Variants in TRIQK observed in about 807,000 individuals in gnomAD.
TRIQK encodes the protein triple QxxK/R motif containing.
Under a neutral mutation model 10.8 loss-of-function variants are expected in TRIQK, and 10 were observed. The ratio of observed to expected loss-of-function variants is 0.92; its 90% CI spans 0.57 to 1.57. The LOEUF is 1.57. TRIQK is among the 40% of genes most tolerant of loss of function. TRIQK has a pLI of 0.00. For synonymous variants in TRIQK, 33 were observed against 33.7 expected, an observed-to-expected ratio of 0.98 and a Z score of 0.07; for missense variants, 107 against 97.7, an observed-to-expected ratio of 1.09 and a Z score of -0.40.
chr8:92,913,227 G>A (rs1809659276), intron 3 of TRIQK, among the ~76,000 whole-genome samples: 2 of 152,020 alleles, frequency 1.3e-5, no homozygotes, highest in Non-Finnish European at 2.9e-5. Flanking sequence ...CTCAACAAAT[G>A]CAGAAGAAGC....
intron 2 of TRIQK, among the ~76,000 whole-genome samples, chr8:92,948,805 T>C (rs1451235458): frequency 6.6e-6 from 1 of 152,264 alleles, no homozygotes; most frequent in Non-Finnish European, 1.5e-5. Flanking sequence ...GTAAACTTAA[T>C]TGAAAATGCT....
chr8:92,968,079 C>G (rs774268213), upstream of TRIQK, among the ~76,000 whole-genome samples: 8 of 151,924 alleles, frequency 5.3e-5, no homozygotes, highest in Non-Finnish European at 1.0e-4. Context: ...ATGTTATATG[C>G]TTATTTCTTT....
Position 92,886,368 on chromosome 8 carries a change from T to C in TRIQK, c.*254A>G. On this transcript the variant is annotated 3_prime_UTR_variant, in exon 5 of 5. Coordinates refer to ENST00000521988, the MANE Select transcript of TRIQK (RefSeq NM_001171797.2). ...AATTTAGGATCTGGTTCCCATTTCA[T>C]CTAAATGTACCATGTATAGGGTGGC... The C allele has an allele frequency of 4.3e-6, 1 of 231,266 alleles. No individual in the cohort carries two copies. The highest frequency in any genetic ancestry group is 8.3e-6 in the Non-Finnish European group (1 of 119,830). 14.3% of individuals were successfully genotyped at this position (231,266 alleles called of 1,614,324 possible). A position where few individuals can be genotyped will look rare whatever the true frequency, so the allele number is the denominator to read the frequency against.
intron 1 of TRIQK, among the ~76,000 whole-genome samples, chr8:92,995,122 A>G (rs1392159289): frequency 1.3e-5 from 2 of 152,012 alleles, no homozygotes; most frequent in Non-Finnish European, 2.9e-5. Flanking sequence ...TAGATCACCT[A>G]TATTTTCTAG....
At chr8:92,980,394 C>T (rs926278506) in intron 1 of TRIQK, among the ~76,000 whole-genome samples, 5 of 151,740 alleles carry the variant, frequency 3.3e-5, no homozygotes, top group African/African-American at 9.7e-5. Flanking sequence ...TCTGCACTCA[C>T]GCGCGTGTGT....
chr8:92,921,094 A>G (rs1424438437), intron 2 of TRIQK, among the ~76,000 whole-genome samples: 2 of 151,652 alleles, frequency 1.3e-5, no homozygotes, highest in African/African-American at 4.8e-5. Flanking sequence ...CCCTTTATAA[A>G]TGGGAATGAT....
At chr8:92,948,230 G>A (rs541622883) in intron 2 of TRIQK, among the ~76,000 whole-genome samples, 40 of 152,168 alleles carry the variant, frequency 2.6e-4, no homozygotes, top group African/African-American at 9.6e-4. Context: ...TTTAGCTATG[G>A]ACCACCTAGG....
At chr8:93,015,347 T>C (rs1466664700) in intron 1 of TRIQK, among the ~76,000 whole-genome samples, 1 of 151,988 alleles carries the variant, frequency 6.6e-6, no homozygotes, top group African/African-American at 2.4e-5. Context: ...TTAGTGGTGG[T>C]TATTCTGCAA....
chr8:93,011,886 C>A (rs896347483), intron 1 of TRIQK, among the ~76,000 whole-genome samples: 2 of 152,102 alleles, frequency 1.3e-5, no homozygotes, highest in Admixed American at 1.3e-4. Flanking sequence ...AAATCTAAAG[C>A]CCATTCTCTT....
chr8:92,992,308 G>C (rs1320400814), intron 1 of TRIQK, among the ~76,000 whole-genome samples: 1 of 152,196 alleles, frequency 6.6e-6, no homozygotes, highest in Non-Finnish European at 1.5e-5. Context: ...TCCTGAGGGA[G>C]AGGTAGAAGC....
intron 1 of TRIQK, among the ~76,000 whole-genome samples, chr8:93,014,358 A>G (rs1398335537): frequency 6.6e-6 from 1 of 152,098 alleles, no homozygotes; most frequent in East Asian, 1.9e-4. Flanking sequence ...CTAACTCTGA[A>G]TATGATTTTA....
At chr8:92,992,329 G>A (rs1813104141) in intron 1 of TRIQK, among the ~76,000 whole-genome samples, 1 of 152,166 alleles carries the variant, frequency 6.6e-6, no homozygotes, top group African/African-American at 2.4e-5. Context: ...AAAACCCTCT[G>A]CCTCTGAGGA....
At chr8:93,005,115 C>T (rs1813254858) in intron 1 of TRIQK, among the ~76,000 whole-genome samples, 1 of 152,108 alleles carries the variant, frequency 6.6e-6, no homozygotes, top group African/African-American at 2.4e-5. Flanking sequence ...TTTCACACTG[C>T]TATAAAGAAC....
intron 4 of TRIQK, among the ~76,000 whole-genome samples, chr8:92,888,999 T>C (rs1189412231): frequency 6.6e-6 from 1 of 151,672 alleles, no homozygotes; most frequent in Non-Finnish European, 1.5e-5. Context: ...GCAAACTTAG[T>C]TGTGCAAACA....
At chr8:93,005,640 T>C (rs1391464032) in intron 1 of TRIQK, among the ~76,000 whole-genome samples, 1 of 151,970 alleles carries the variant, frequency 6.6e-6, no homozygotes, top group Non-Finnish European at 1.5e-5. Flanking sequence ...ACAAATTAGG[T>C]ATAGAAGGTA....
At chr8:92,959,436 A>G (rs1812335414) in intron 1 of TRIQK, among the ~76,000 whole-genome samples, 1 of 151,808 alleles carries the variant, frequency 6.6e-6, no homozygotes, top group African/African-American at 2.4e-5. Context: ...ATATTTAACA[A>G]AACTATTTAA....
chr8:92,986,270 C>CA (rs1483185457), intron 1 of TRIQK, among the ~76,000 whole-genome samples: 2 of 152,000 alleles, frequency 1.3e-5, no homozygotes, highest in East Asian at 3.9e-4. Context: ...TTTTGCCAAG[C>CA]ATCAATGCAA....
chr8:92,999,937 A>T (rs1247432185), intron 1 of TRIQK, among the ~76,000 whole-genome samples: 1 of 152,146 alleles, frequency 6.6e-6, no homozygotes, highest in Non-Finnish European at 1.5e-5. Flanking sequence ...TCAGTTGTTA[A>T]AAACTTACTC....
chr8:92,920,056 CT>C (rs1278995746), intron 2 of TRIQK, among the ~76,000 whole-genome samples: 5 of 151,364 alleles, frequency 3.3e-5, no homozygotes, highest in Non-Finnish European at 7.4e-5. Flanking sequence ...GTTAATTCTA[CT>C]TATCTTTTCA....
Sources: gnomAD v4.1 joint callset for allele counts (sites outside exome capture counted in the v4.1 genomes callset) on GRCh38, gnomAD v4.1.1 for gene constraint, MANE v1.5 for transcripts, NCBI Gene and HGNC (gene_info 2026-07-23, HGNC 2026-07-21) for gene names.